The following DDO variants were observed in gnomAD, a reference collection of about 807,000 sequenced individuals.
DDO encodes D-aspartate oxidase.
A neutral mutation model predicts 16.8 loss-of-function variants in DDO; 16 were observed. The observed-to-expected ratio is 0.95, with a 90% CI of 0.65 to 1.45. The LOEUF is 1.45. DDO is among the 40% of genes most tolerant of loss of function. The probability of loss-of-function intolerance (pLI) is 0.00; values close to 1 mark genes in which losing one functional copy is unlikely to be tolerated. For missense variants in DDO, 429 were observed against 420.3 expected (o/e 1.02, Z -0.18); for synonymous variants, 180 against 167.2 (o/e 1.08, Z -0.59).
At position 110,392,721 on chromosome 6, in the gene DDO, G is replaced by C; in HGVS notation, c.*54C>G. The C allele has an allele frequency of 1.3e-6, 2 of 1,491,004 alleles. No individual in the cohort carries two copies. Among genetic ancestry groups the C allele is most frequent in the Non-Finnish European group, 1.8e-6 (2 of 1,124,610 alleles). The allele number at this position is 1,491,004 out of a possible 1,614,324, so 92.4% of individuals were successfully genotyped here. On this transcript the variant is annotated 3_prime_UTR_variant, in exon 5 of 5. Transcript: ENST00000368924. The stretch of plus-strand genomic sequence containing the variant: ...TGCAGTGGAAAAGTTATTTGAACCT[G>C]TTCTGTGCTTTGATCAACAGTCTCT...
At position 110,392,301 on chromosome 6, in the gene DDO, C is replaced by T. The variant is rs947539845; in HGVS notation, c.*474G>A. The T allele has an allele frequency of 7.1e-6, 7 of 985,698 alleles. No individual in the cohort carries two copies. In the African/African-American group the frequency reaches 1.2e-4, roughly 17 times the overall value. 61.1% of individuals were successfully genotyped at this position (985,698 alleles called of 1,614,324 possible). Reference sequence around the variant, plus strand: ...AATGTTTTCCATACATTATCTCCTCCTGTGGATTTATAAGCCAAATGATAT... The same window carrying T: ...AATGTTTTCCATACATTATCTCCTCTTGTGGATTTATAAGCCAAATGATAT... On this transcript the variant is annotated 3_prime_UTR_variant, in exon 5 of 5. Coordinates refer to ENST00000368924, the MANE Select transcript of DDO (RefSeq NM_001372108.2).
chr6:110,411,796 A>T (rs541915147), intron 2 of DDO, among the ~76,000 whole-genome samples: 2 of 152,328 alleles, frequency 1.3e-5, no homozygotes, highest in South Asian at 4.1e-4. Context: ...AATAAAAAAT[A>T]AAATTAAAGA....
rs150948741 is a variant in DDO, at chr6:110,392,925, C to T, written c.876G>A (p.Ala292=). 41 of 1,614,114 alleles carry T rather than the reference C, an allele frequency of 2.5e-5. No individual in the cohort carries two copies. The highest frequency in any genetic ancestry group is 2.2e-4 in the South Asian group (20 of 91,090). Residue 292 remains alanine (A), a synonymous_variant, in exon 5 of 5, where the codon GCG becomes GCA. Coordinates refer to ENST00000368924, the MANE Select transcript of DDO (RefSeq NM_001372108.2). ...CTACAGGCAGCCTCTGTCCATCTCG[C>T]GCAAGGAGCTCTGTCTGCAGTCGCA... ...PGVRLQTELL[A]RDGQRLPVVH...
At chr6:110,413,842 C>T (rs536748160) in intron 1 of DDO, among the ~76,000 whole-genome samples, 7 of 152,258 alleles carry the variant, frequency 4.6e-5, no homozygotes, top group South Asian at 2.1e-4. Context: ...GACGAGATCT[C>T]GGCTCACTGC....
Position 110,405,356 on chromosome 6 carries a change from T to C in DDO, c.282-406A>G, listed in dbSNP as rs560460465. ...GCTGGCCTAGAACATTTTAAAAATT[T>C]AGTTTCTATAAACACAAAGAGAAAA... On this transcript the variant is annotated intron_variant, in intron 3 of 4. Coordinates refer to ENST00000368924, the MANE Select transcript of DDO (RefSeq NM_001372108.2). Among the ~76,000 whole-genome samples, 6 of 152,356 alleles carry C rather than the reference T, an allele frequency of 3.9e-5. No homozygotes were observed. In the South Asian group the frequency reaches 1.0e-3, roughly 26 times the overall value.
intron 3 of DDO, 91 bp downstream of exon 3, chr6:110,408,243 C>T (rs1773723480): frequency 8.1e-7 from 1 of 1,238,646 alleles, no homozygotes; most frequent in Non-Finnish European, 1.2e-6. Flanking sequence ...ACTCTGCTCA[C>T]AACAGCTACT....
chr6:110,397,802 C>G (rs971812952), intron 4 of DDO, among the ~76,000 whole-genome samples: 57 of 152,230 alleles, frequency 3.7e-4, no homozygotes, highest in African/African-American at 1.2e-3. Context: ...ACTAAATGTG[C>G]CTGGAGACTG....
At chr6:110,401,959 C>T (rs1773499147) in intron 4 of DDO, among the ~76,000 whole-genome samples, 1 of 152,212 alleles carries the variant, frequency 6.6e-6, no homozygotes, top group Non-Finnish European at 1.5e-5. Flanking sequence ...CTTCCTCCTG[C>T]TATGATGCAA....
intron 4 of DDO, among the ~76,000 whole-genome samples, chr6:110,397,199 C>T (rs1453755742): frequency 6.6e-6 from 1 of 152,150 alleles, no homozygotes. Flanking sequence ...ACTATAGCTG[C>T]TCAATAAAGA....
chr6:110,394,763 C>T (rs927202095), intron 4 of DDO, among the ~76,000 whole-genome samples: 5 of 152,226 alleles, frequency 3.3e-5, no homozygotes, highest in African/African-American at 1.2e-4. Flanking sequence ...CACCTCACTT[C>T]AAATCTCAGT....
rs776904097 is a variant in DDO, at chr6:110,393,313, G to A, written c.488C>T (p.Thr163Ile). 119 of 1,607,262 alleles carry A rather than the reference G, an allele frequency of 7.4e-5. No individual in the cohort carries two copies. The highest frequency in any genetic ancestry group is 9.8e-5 in the Non-Finnish European group (115 of 1,175,068). The part of the protein sequence containing the change: ...RIKGSGGWTL[T>I]RRIEDLWELH... Reference sequence around the variant, plus strand: ...TTCCCACAGGTCTTCTATTCGCCGAGTGAGTGTCCAGCCTCCACTTCCCTT... The same window carrying A: ...TTCCCACAGGTCTTCTATTCGCCGAATGAGTGTCCAGCCTCCACTTCCCTT... Residue 163 changes from threonine (T) to isoleucine (I), a missense_variant, in exon 5 of 5, where the codon ACT (threonine) becomes ATT (isoleucine). Physicochemically the swap from Thr to Ile is moderately conservative, Grantham distance 89. Transcript: ENST00000368924.
downstream of DDO, among the ~76,000 whole-genome samples, chr6:110,391,209 G>C (rs1773092271): frequency 6.6e-6 from 1 of 152,154 alleles, no homozygotes; most frequent in Non-Finnish European, 1.5e-5. Flanking sequence ...TAAAGCTGTA[G>C]CTGTGCTAAG....
At chr6:110,411,953 CA>C (rs1214629021) in intron 2 of DDO, among the ~76,000 whole-genome samples, 1 of 152,106 alleles carries the variant, frequency 6.6e-6, no homozygotes, top group African/African-American at 2.4e-5. Flanking sequence ...TGGACATGTT[CA>C]AAAATCAATG....
At chr6:110,410,790 G>A (rs1378664593) in intron 2 of DDO, among the ~76,000 whole-genome samples, 2 of 152,134 alleles carry the variant, frequency 1.3e-5, no homozygotes, top group African/African-American at 4.8e-5. Flanking sequence ...TGATTTGGGT[G>A]GGGATACAGC....
At position 110,393,240 on chromosome 6, in the gene DDO, G is replaced by C. The variant is rs763640093; in HGVS notation, c.561C>G (p.Ser187Arg). The C allele has an allele frequency of 6.2e-7, 1 of 1,614,224 alleles. No homozygotes were observed. The highest frequency in any genetic ancestry group is 8.5e-7 in the Non-Finnish European group (1 of 1,180,044). ...DIVVNCSGLG[S>R]RQLAGDSKIF... Reference sequence around the variant, plus strand: ...TCTTTGAGTCTCCTGCAAGCTGTCTGCTTCCAAGGCCTGAACAGTTGACCA... The same window carrying C: ...TCTTTGAGTCTCCTGCAAGCTGTCTCCTTCCAAGGCCTGAACAGTTGACCA... Residue 187 changes from serine (S) to arginine (R), a missense_variant, in exon 5 of 5, where the codon AGC (serine) becomes AGG (arginine). By Grantham distance (110) the Ser-to-Arg change is moderately radical. Coordinates refer to ENST00000368924, the MANE Select transcript of DDO (RefSeq NM_001372108.2).
rs1437267219 is a variant in DDO, at chr6:110,409,767, C to A, written c.173-1325G>T. Among the ~76,000 whole-genome samples, 6 of 152,204 alleles carry A rather than the reference C, an allele frequency of 3.9e-5. No homozygotes were observed. The East Asian group carries it at 1.2e-3, about 29-fold the overall frequency. On this transcript the variant is annotated intron_variant, in intron 2 of 4. Coordinates refer to ENST00000368924, the MANE Select transcript of DDO (RefSeq NM_001372108.2). ...TTGGCCTCAAATAGACTTTACCCAA[C>A]AATCTATGCCACTGTGTGAGGTTGT...
At position 110,410,738 on chromosome 6, in the gene DDO, T is replaced by G. The variant is rs1194465429; in HGVS notation, c.173-2296A>C. 2.6e-5 allele frequency among the ~76,000 whole-genome samples: 4 copies of G among 152,116 alleles called. No individual in the cohort carries two copies. In the South Asian group the frequency reaches 6.2e-4, roughly 24 times the overall value. ...ATTCAACTACCTCCCACCAGGTTCC[T>G]CCCACGACACGTAGGGATTATGGGA... On this transcript the variant is annotated intron_variant, in intron 2 of 4. Coordinates refer to ENST00000368924, the MANE Select transcript of DDO (RefSeq NM_001372108.2).
At chr6:110,388,589 C>CT (rs919992347), downstream of DDO, among the ~76,000 whole-genome samples, 5 of 150,124 alleles carry the variant, frequency 3.3e-5, no homozygotes, top group Non-Finnish European at 4.4e-5. Flanking sequence ...TTCTGTTAAA[C>CT]TTTTTTTTTT....
intron 4 of DDO, among the ~76,000 whole-genome samples, chr6:110,403,790 TAC>T (rs796630819): frequency 3.1e-4 from 47 of 152,314 alleles, no homozygotes; most frequent in African/African-American, 1.1e-3. Flanking sequence ...TGCAAACACA[TAC>T]ACACACAGTC....
Sources: allele counts gnomAD v4.1 joint callset (sites outside exome capture counted in the v4.1 genomes callset), GRCh38; gene constraint gnomAD v4.1.1; transcripts MANE v1.5; gene names NCBI Gene and HGNC (gene_info 2026-07-23, HGNC 2026-07-21).